METTL8: variants seen among roughly 807,000 people sequenced by gnomAD.
The protein encoded by METTL8 is methyltransferase 8, tRNA N3-cytidine, also known as tRNA N(3)-cytidine methyltransferase METTL8, mitochondrial.
Under a neutral mutation model 48.7 loss-of-function variants are expected in METTL8, and 32 were observed. The observed-to-expected ratio is 0.66, with a 90% CI of 0.50 to 0.88. The LOEUF (loss-of-function observed/expected upper bound fraction) is 0.88, where lower values mean the gene tolerates loss of function less well. Ranked by LOEUF, METTL8 falls within the 40% of genes least tolerant of loss-of-function variation. METTL8 has a pLI of 0.00. For synonymous variants in METTL8, 136 were observed against 157.1 expected, an observed-to-expected ratio of 0.87 and a Z score of 1.01; for missense variants, 464 against 474.4, an observed-to-expected ratio of 0.98 and a Z score of 0.20.
At chr2:171,365,874 AG>A (rs1267915922) in intron 2 of METTL8, among the ~76,000 whole-genome samples, 1 of 152,224 alleles carries the variant, frequency 6.6e-6, no homozygotes, top group Non-Finnish European at 1.5e-5. Flanking sequence ...AAAACACAAA[AG>A]GTGAGTCCCC....
intron 2 of METTL8, among the ~76,000 whole-genome samples, chr2:171,383,741 C>T (rs1475888418): frequency 6.6e-6 from 1 of 152,226 alleles, no homozygotes; most frequent in East Asian, 1.9e-4. Flanking sequence ...ATAGACAGAT[C>T]TCTGGGCCAT....
intron 3 of METTL8, among the ~76,000 whole-genome samples, chr2:171,359,067 A>T (rs1684882966): frequency 6.6e-6 from 1 of 151,452 alleles, no homozygotes; most frequent in Non-Finnish European, 1.5e-5. Flanking sequence ...GGAGTTTCAG[A>T]CCACCCTGGG....
At chr2:171,394,106 G>T (rs1442930085) in intron 1 of METTL8, among the ~76,000 whole-genome samples, 1 of 152,154 alleles carries the variant, frequency 6.6e-6, no homozygotes, top group South Asian at 2.1e-4. Context: ...ACCCTGATGT[G>T]CCTTTGTTCT....
intron 2 of METTL8, among the ~76,000 whole-genome samples, chr2:171,382,705 G>A (rs917389803): frequency 5.9e-5 from 9 of 151,528 alleles, no homozygotes; most frequent in Non-Finnish European, 1.0e-4. Flanking sequence ...CATGTATCCC[G>A]GAACTCAAAG....
chr2:171,355,874 C>T (rs899253772), intron 3 of METTL8, among the ~76,000 whole-genome samples: 1 of 152,156 alleles, frequency 6.6e-6, no homozygotes, highest in Non-Finnish European at 1.5e-5. Flanking sequence ...GTCACCACTT[C>T]CTTTGGCTAG....
intron 1 of METTL8, among the ~76,000 whole-genome samples, chr2:171,425,536 C>T (rs973668474): frequency 6.6e-6 from 1 of 152,162 alleles, no homozygotes; most frequent in Non-Finnish European, 1.5e-5. Flanking sequence ...GAATAGTGGG[C>T]AACGTCTCAG....
chr2:171,383,731 A>G lies in METTL8; in HGVS notation c.143+8312T>C, dbSNP rs1687788928. 1.3e-5 allele frequency among the ~76,000 whole-genome samples: 2 copies of G among 152,242 alleles called. 1 individual carries two copies. Among genetic ancestry groups the G allele is most frequent in the South Asian group, 4.1e-4 (2 of 4,834 alleles). Reference sequence around the variant, plus strand: ...CAAGTAACTGTGTAAGTTGCTCAATATAGACAGATCTCTGGGCCATGTCTC... The same window carrying G: ...CAAGTAACTGTGTAAGTTGCTCAATGTAGACAGATCTCTGGGCCATGTCTC... On this transcript the variant is annotated intron_variant, in intron 2 of 9. Coordinates refer to ENST00000375258, the MANE Select transcript of METTL8 (RefSeq NM_001321154.2).
chr2:171,374,581 G>A (rs558153068), intron 2 of METTL8, among the ~76,000 whole-genome samples: 62 of 152,172 alleles, frequency 4.1e-4, no homozygotes, highest in African/African-American at 1.4e-3. Flanking sequence ...AATTTTCACC[G>A]TAATCAAGAA....
chr2:171,406,507 C>T (rs1690193158), intron 1 of METTL8, among the ~76,000 whole-genome samples: 1 of 152,194 alleles, frequency 6.6e-6, no homozygotes, highest in Non-Finnish European at 1.5e-5. Flanking sequence ...CAGCCACCTT[C>T]TCATTGTGTC....
chr2:171,434,584 C>T (rs1276707475), upstream of METTL8: 1 of 1,527,530 alleles, frequency 6.5e-7, no homozygotes, highest in Admixed American at 2.0e-5. Flanking sequence ...CTCCATGGGC[C>T]CGACCCGGAA....
upstream of METTL8, chr2:171,434,072 A>G: frequency 3.3e-6 from 1 of 303,856 alleles, no homozygotes; most frequent in South Asian, 2.6e-5. Flanking sequence ...CCGCGCCCCC[A>G]GGGCTCTGCC....
At chr2:171,371,865 A>ATTG (rs1686392823) in intron 2 of METTL8, among the ~76,000 whole-genome samples, 1 of 134,782 alleles carries the variant, frequency 7.4e-6, no homozygotes, top group South Asian at 2.4e-4. Context: ...TATTATTATT[A>ATTG]TTATTGTAGA....
intron 3 of METTL8, among the ~76,000 whole-genome samples, chr2:171,344,826 T>C (rs1018319097): frequency 6.6e-6 from 1 of 152,162 alleles, no homozygotes; most frequent in African/African-American, 2.4e-5. Context: ...ATCATAATTA[T>C]GATTATGAGA....
intron 1 of METTL8, among the ~76,000 whole-genome samples, chr2:171,408,081 G>A (rs1690370585): frequency 6.6e-6 from 1 of 152,132 alleles, no homozygotes; most frequent in Admixed American, 6.5e-5. Flanking sequence ...TATTGGTTTT[G>A]TGGTTGTACT....
intron 3 of METTL8, among the ~76,000 whole-genome samples, chr2:171,357,269 T>C (rs1684689700): frequency 1.3e-5 from 2 of 152,076 alleles, no homozygotes; most frequent in Admixed American, 1.3e-4. Context: ...AACAATATGA[T>C]CTTACACTTA....
intron 6 of METTL8, 137 bp downstream of exon 6, chr2:171,331,667 T>G (rs1489299706): frequency 1.6e-6 from 1 of 639,186 alleles, no homozygotes; most frequent in African/African-American, 1.8e-5. Context: ...TCCACCCACC[T>G]TGGCCTCCCA....
chr2:171,412,969 C>T (rs1690901674), intron 1 of METTL8, among the ~76,000 whole-genome samples: 1 of 152,188 alleles, frequency 6.6e-6, no homozygotes, highest in African/African-American at 2.4e-5. Context: ...AAACACTGTT[C>T]AGATGAGAAC....
In METTL8 at chr2:171,368,233, G is replaced by C. The variant is rs369259700; in HGVS notation, c.144-7720C>G. Among the ~76,000 whole-genome samples, 22 of 152,312 alleles carry C rather than the reference G, an allele frequency of 1.4e-4. 1 individual carries two copies. The highest frequency in any genetic ancestry group is 5.3e-4 in the African/African-American group (22 of 41,568). On this transcript the variant is annotated intron_variant, in intron 2 of 9. Coordinates refer to ENST00000375258, the MANE Select transcript of METTL8 (RefSeq NM_001321154.2). ...AACAGTCTATGTGACAAGATGGAAA[G>C]CATGCACTTCTTACTGAAGTACAAT...
chr2:171,399,097 T>G lies in METTL8; in HGVS notation c.-12-6900A>C, dbSNP rs765750007. Among the ~76,000 whole-genome samples the G allele has an allele frequency of 2.5e-4, 38 of 152,138 alleles. 1 individual carries two copies. The highest frequency in any genetic ancestry group is 4.4e-5 in the Non-Finnish European group (3 of 68,038). ...ACAGGTTCCCATTTTCAGCTCACCA[T>G]CCTATGAAGGTCCTTCCTCTTGAAT... On this transcript the variant is annotated intron_variant, in intron 1 of 9. Transcript: ENST00000375258.
Sources: allele counts gnomAD v4.1 joint callset (sites outside exome capture counted in the v4.1 genomes callset), GRCh38; gene constraint gnomAD v4.1.1; transcripts MANE v1.5; gene names NCBI Gene and HGNC (gene_info 2026-07-23, HGNC 2026-07-21).